PSKH1: variants seen among roughly 807,000 people sequenced by gnomAD.
PSKH1 encodes protein serine kinase H1, also known as serine/threonine-protein kinase H1.
Under a neutral mutation model 26.7 loss-of-function variants are expected in PSKH1, and 12 were observed. That is an observed-to-expected ratio of 0.45 (90% confidence interval 0.29 to 0.73). The LOEUF (loss-of-function observed/expected upper bound fraction) is 0.73. Among genes scored for constraint, PSKH1 ranks in the 30% least tolerant of loss-of-function variants. PSKH1 has a pLI of 0.11. For missense variants in PSKH1, 431 were observed against 595.2 expected (o/e 0.72, Z 2.87); for synonymous variants, 213 against 234.3 (o/e 0.91, Z 0.83).
At chr16:67,905,391 A>G (rs9939297) in intron 1 of PSKH1, among the ~76,000 whole-genome samples, 4,370 of 152,162 alleles carry the variant, frequency 0.029, 196 homozygotes, top group African/African-American at 0.098. Flanking sequence ...GAGCCTTTGC[A>G]GTGTGTTATT....
intron 2 of PSKH1, among the ~76,000 whole-genome samples, chr16:67,914,454 G>A (rs1287595197): frequency 6.9e-6 from 1 of 145,186 alleles, no homozygotes; most frequent in African/African-American, 2.6e-5. Context: ...TGTCCGGTCT[G>A]AATTTTTTTT....
chr16:67,897,151 G>A (rs1279324371), intron 1 of PSKH1, among the ~76,000 whole-genome samples: 1 of 152,100 alleles, frequency 6.6e-6, no homozygotes, highest in Non-Finnish European at 1.5e-5. Context: ...CTGACTCCCG[G>A]GTGTTATACA....
Position 67,909,989 on chromosome 16 carries a change from G to A in PSKH1, c.957+283G>A, listed in dbSNP as rs2058168837. 2 of 538,730 alleles carry A rather than the reference G, an allele frequency of 3.7e-6. No individual in the cohort carries two copies. The highest frequency in any genetic ancestry group is 6.6e-6 in the Non-Finnish European group (2 of 303,298). The allele number at this position is 538,730 out of a possible 1,614,324, so 33.4% of individuals were successfully genotyped here. On this transcript the variant is annotated intron_variant, in intron 2 of 2. Coordinates refer to ENST00000291041, the MANE Select transcript of PSKH1 (RefSeq NM_006742.3). The surrounding 1 kb of genome is among the most constrained non-coding windows in gnomAD (Gnocchi z 7.8). ...GGCAGGAAGGGAGAAAGTCAGTAGAGTATATTGAGAAATGGACTGCCACTG... is the reference window on the plus strand; with the variant it reads ...GGCAGGAAGGGAGAAAGTCAGTAGAATATATTGAGAAATGGACTGCCACTG...
chr16:67,906,042 G>T (rs958059236), intron 1 of PSKH1, among the ~76,000 whole-genome samples: 2 of 151,300 alleles, frequency 1.3e-5, no homozygotes, highest in Non-Finnish European at 2.9e-5. Context: ...TATCTGAATT[G>T]TTCATTTCTC....
At chr16:67,900,690 T>C (rs910176424) in intron 1 of PSKH1, among the ~76,000 whole-genome samples, 14 of 152,160 alleles carry the variant, frequency 9.2e-5, no homozygotes, top group African/African-American at 2.9e-4. Context: ...AGGACGATAA[T>C]GCTGAATGCT....
intron 2 of PSKH1, among the ~76,000 whole-genome samples, chr16:67,919,955 C>T (rs1387692236): frequency 2.0e-5 from 3 of 152,364 alleles, no homozygotes; most frequent in Non-Finnish European, 2.9e-5. Context: ...CCACCCGCCA[C>T]GCTGCTGCAT....
chr16:67,893,470 C>A (rs2058117394), intron 1 of PSKH1, 99 bp downstream of exon 1: 1 of 152,330 alleles, frequency 6.6e-6, no homozygotes, highest in Non-Finnish European at 1.5e-5. Flanking sequence ...TGCCCCTGGT[C>A]AGCCTGCAGC....
intron 2 of PSKH1, among the ~76,000 whole-genome samples, chr16:67,925,199 T>C: frequency 7.5e-6 from 1 of 132,538 alleles, no homozygotes; most frequent in South Asian, 2.3e-4. Context: ...AATATGAATA[T>C]TTTTTTTTTT....
intron 1 of PSKH1, among the ~76,000 whole-genome samples, chr16:67,907,302 C>G (rs1044386851): frequency 6.6e-6 from 1 of 150,568 alleles, no homozygotes. Context: ...ACTCTTTTGT[C>G]CAGGCTGGAG....
At chr16:67,898,213 C>G (rs183125115) in intron 1 of PSKH1, among the ~76,000 whole-genome samples, 49 of 151,792 alleles carry the variant, frequency 3.2e-4, no homozygotes, top group African/African-American at 1.1e-3. Context: ...CACTTGGGCT[C>G]AAGAGTTCGA....
intron 2 of PSKH1, among the ~76,000 whole-genome samples, chr16:67,918,853 A>C (rs547123822): frequency 6.6e-6 from 1 of 152,166 alleles, no homozygotes; most frequent in Admixed American, 6.5e-5. Flanking sequence ...TGGCCTCCCA[A>C]AGTGCTGGGA....
At chr16:67,916,616 T>TG (rs1323193466) in intron 2 of PSKH1, among the ~76,000 whole-genome samples, 2 of 152,102 alleles carry the variant, frequency 1.3e-5, no homozygotes, top group East Asian at 3.9e-4. Context: ...CTCTGGGTTC[T>TG]GGGTAATGGA....
chr16:67,893,864 C>T (rs912460224), intron 1 of PSKH1, among the ~76,000 whole-genome samples: 6 of 152,214 alleles, frequency 3.9e-5, no homozygotes, highest in Admixed American at 3.9e-4. Flanking sequence ...GCTTGTCATT[C>T]CTCTACCTGC....
Position 67,909,855 on chromosome 16 carries a change from A to T in PSKH1, c.957+149A>T, listed in dbSNP as rs1384207873. The T allele has an allele frequency of 2.7e-6, 2 of 739,046 alleles. No individual in the cohort carries two copies. Among genetic ancestry groups the T allele is most frequent in the Admixed American group, 5.5e-5 (2 of 36,368 alleles). 45.8% of individuals were successfully genotyped at this position (739,046 alleles called of 1,614,324 possible). A position where few individuals can be genotyped will look rare whatever the true frequency, so the allele number is the denominator to read the frequency against. ...AAAAGGGACAAAGTGAGACTATCAG[A>T]ATGTAGTTTGGGTTCCCTCAAGGTG... On this transcript the variant is annotated intron_variant, in intron 2 of 2. Coordinates refer to ENST00000291041, the MANE Select transcript of PSKH1 (RefSeq NM_006742.3). The surrounding 1 kb of genome is among the most constrained non-coding windows in gnomAD (Gnocchi z 7.8).
intron 2 of PSKH1, among the ~76,000 whole-genome samples, chr16:67,916,722 T>G (rs1206715433): frequency 1.3e-5 from 2 of 152,084 alleles, no homozygotes; most frequent in Non-Finnish European, 2.9e-5. Flanking sequence ...TGGGGATGTT[T>G]GGGGCAGATC....
chr16:67,922,682 G>C (rs1018795242), intron 2 of PSKH1, among the ~76,000 whole-genome samples: 1 of 152,206 alleles, frequency 6.6e-6, no homozygotes, highest in Admixed American at 6.5e-5. Flanking sequence ...CCCCTTCCTC[G>C]TGTTAAAAGT....
At chr16:67,912,596 C>T (rs1271803772) in intron 2 of PSKH1, among the ~76,000 whole-genome samples, 1 of 152,054 alleles carries the variant, frequency 6.6e-6, no homozygotes, top group Non-Finnish European at 1.5e-5. Context: ...CAGCCGGGTA[C>T]GGTGGCTCAC....
intron 2 of PSKH1, among the ~76,000 whole-genome samples, chr16:67,922,884 CTG>C (rs1267494903): frequency 1.3e-5 from 2 of 152,236 alleles, no homozygotes; most frequent in African/African-American, 4.8e-5. Context: ...GCCCTGTAAG[CTG>C]TGTTTGCTGC....
At chr16:67,924,801 C>T (rs1017593108) in intron 2 of PSKH1, among the ~76,000 whole-genome samples, 1 of 152,122 alleles carries the variant, frequency 6.6e-6, no homozygotes, top group African/African-American at 2.4e-5. Flanking sequence ...TGTCCCCTGA[C>T]CCACTCTGTT....
Sources: allele counts gnomAD v4.1 joint callset (sites outside exome capture counted in the v4.1 genomes callset), GRCh38; gene constraint gnomAD v4.1.1; non-coding constraint Gnocchi (gnomAD v3.1); transcripts MANE v1.5; gene names NCBI Gene and HGNC (gene_info 2026-07-23, HGNC 2026-07-21).